The following EDRF1 variants were observed in gnomAD, a reference collection of about 807,000 sequenced individuals.
The protein encoded by EDRF1 is erythroid differentiation-related factor 1.
A neutral mutation model predicts 148.7 loss-of-function variants in EDRF1; 69 were observed. The ratio of observed to expected loss-of-function variants is 0.46; its 90% CI spans 0.38 to 0.57. The LOEUF is 0.57. EDRF1 is among the 20% of genes least tolerant of loss of function. The pLI is 0.00. For missense variants in EDRF1, 1,118 were observed against 1,478.7 expected (o/e 0.76, Z 4.00); for synonymous variants, 515 against 532.8 (o/e 0.97, Z 0.46).
At chr10:125,723,788 A>C (rs372174581) in intron 3 of EDRF1, 23 bp from the exon 4 acceptor site, 33 of 1,605,020 alleles carry the variant, frequency 2.1e-5, no homozygotes, top group Non-Finnish European at 2.7e-5. Context: ...TTTCTAAACT[A>C]TTTTTTCTCT....
chr10:125,724,658 T>C (rs780204808), intron 4 of EDRF1, among the ~76,000 whole-genome samples: 2 of 152,234 alleles, frequency 1.3e-5, no homozygotes, highest in Non-Finnish European at 2.9e-5. Context: ...TGATGCTCTT[T>C]AGCCTAGATT....
chr10:125,730,446 C>T, intron 9 of EDRF1, 47 bp downstream of exon 9: 5 of 1,473,628 alleles, frequency 3.4e-6, no homozygotes, highest in South Asian at 1.1e-5. Context: ...CAAATTGGTA[C>T]AGAGAGTTCC....
intron 4 of EDRF1, 120 bp downstream of exon 4, chr10:125,724,056 A>C: frequency 8.4e-7 from 1 of 1,184,426 alleles, no homozygotes; most frequent in Non-Finnish European, 1.2e-6. Flanking sequence ...CAATCGAGAA[A>C]TTGAAAGTTT....
intron 2 of EDRF1, 54 bp downstream of exon 2, chr10:125,721,466 C>T: frequency 1.3e-6 from 2 of 1,517,888 alleles, no homozygotes; most frequent in Admixed American, 3.5e-5. Context: ...ACTTAAAACT[C>T]TTATTTGCTT....
chr10:125,735,835 A>T lies in EDRF1; in HGVS notation c.1689A>T (p.Ala563=), dbSNP rs1407466883. 6.2e-7 allele frequency: 1 copy of T among 1,612,870 alleles called. No homozygotes were observed. Among genetic ancestry groups the T allele is most frequent in the African/African-American group, 1.3e-5 (1 of 74,892 alleles). Reference sequence around the variant, plus strand: ...CTGATCCATCAGATGATAGCAAAGCAGTAGCTATAATCAAGTCTGTTGGAG... The same window carrying T: ...CTGATCCATCAGATGATAGCAAAGCTGTAGCTATAATCAAGTCTGTTGGAG... ...TSSDPSDDSK[A]VAIIKSVGEL... The change falls in exon 13 of 25, where the codon GCA becomes GCT. Residue 563 remains alanine, a synonymous_variant. Coordinates refer to ENST00000356792, the MANE Select transcript of EDRF1 (RefSeq NM_001202438.2).
intron 19 of EDRF1, among the ~76,000 whole-genome samples, chr10:125,746,476 C>T (rs1469047082): frequency 6.6e-6 from 1 of 152,042 alleles, no homozygotes; most frequent in Non-Finnish European, 1.5e-5. Flanking sequence ...GAAAATAAAC[C>T]ACCCAAAGAG....
At position 125,753,822 on chromosome 10, in the gene EDRF1, A is replaced by G. The variant is rs760624934; in HGVS notation, c.3522A>G (p.Leu1174=). The change falls in exon 24 of 25, where the codon CTA becomes CTG. Residue 1174 remains leucine (L), a synonymous_variant. Transcript: ENST00000356792. ...TTCTCCTTCAGTCCATTAAACTGCT[A>G]TCTTCAACTAAAAAGAAAACAAGGT... ...SFLLLQSIKL[L]SSTKKKTSNN... 8.1e-6 allele frequency: 13 copies of G among 1,613,042 alleles called. No individual in the cohort carries two copies. In the East Asian group the frequency reaches 1.8e-4, roughly 22 times the overall value.
chr10:125,748,533 TG>T (rs1849482347), intron 21 of EDRF1: 1 of 179,166 alleles, frequency 5.6e-6, no homozygotes, highest in Admixed American at 5.4e-5. Context: ...TGGCTTTTGC[TG>T]CGAGTCTTGG....
intron 24 of EDRF1, among the ~76,000 whole-genome samples, chr10:125,759,756 G>A (rs1850100075): frequency 6.6e-6 from 1 of 151,228 alleles, no homozygotes; most frequent in Admixed American, 6.6e-5. Flanking sequence ...TGTCGCCCAC[G>A]CTGGAGTGCA....
intron 6 of EDRF1, among the ~76,000 whole-genome samples, chr10:125,727,818 A>C (rs1177021998): frequency 6.6e-6 from 1 of 152,188 alleles, no homozygotes; most frequent in African/African-American, 2.4e-5. Context: ...AGTATTTCTT[A>C]ATGGCAGTAC....
intron 4 of EDRF1, 112 bp downstream of exon 4, chr10:125,724,048 A>G: frequency 7.9e-7 from 1 of 1,259,178 alleles, no homozygotes; most frequent in Non-Finnish European, 1.1e-6. Context: ...TACTTCAACA[A>G]TCGAGAAATT....
intron 6 of EDRF1, among the ~76,000 whole-genome samples, chr10:125,727,178 T>A (rs111586364): frequency 0.013 from 1,942 of 152,306 alleles, 44 homozygotes; most frequent in African/African-American, 0.044. Context: ...AGAGGCCTGT[T>A]CCTCCAGCAG....
At chr10:125,742,937 T>G in intron 17 of EDRF1, 121 bp from the exon 18 acceptor site, 1 of 1,457,930 alleles carries the variant, frequency 6.9e-7, no homozygotes, top group Non-Finnish European at 9.2e-7. Context: ...GATTGAATCT[T>G]GGTATACTTA....
chr10:125,728,432 C>A (rs1296178789), intron 6 of EDRF1, among the ~76,000 whole-genome samples: 3 of 152,152 alleles, frequency 2.0e-5, no homozygotes, highest in Non-Finnish European at 4.4e-5. Flanking sequence ...TTCCCAGGAA[C>A]TAGTGTTCTG....
chr10:125,726,122 A>T (rs187231206), intron 6 of EDRF1, among the ~76,000 whole-genome samples: 1 of 152,250 alleles, frequency 6.6e-6, no homozygotes, highest in East Asian at 1.9e-4. Context: ...ATCTCCTTCA[A>T]GTGATGAGTA....
intron 22 of EDRF1, among the ~76,000 whole-genome samples, chr10:125,750,937 T>C (rs891655368): frequency 6.6e-6 from 1 of 152,118 alleles, no homozygotes; most frequent in Non-Finnish European, 1.5e-5. Context: ...TTTTTTGTTG[T>C]TGGGGTTTTG....
chr10:125,732,997 C>CAA lies in EDRF1; in HGVS notation c.1129-399_1129-398dup, dbSNP rs572494630. Among the ~76,000 whole-genome samples the CAA allele has an allele frequency of 6.7e-5, 10 of 149,542 alleles. No homozygotes were observed. The East Asian group carries it at 1.8e-3, about 26-fold the overall frequency. The stretch of plus-strand genomic sequence containing the variant: ...TTGAGTCACTGACTGTAGTTTCTAG[C>CAA]AAAAAAAAAGGCCAGAAATACATGT... On this transcript the variant is annotated intron_variant, in intron 9 of 24. Coordinates refer to ENST00000356792, the MANE Select transcript of EDRF1 (RefSeq NM_001202438.2).
At chr10:125,735,492 C>G in intron 12 of EDRF1, 152 bp from the exon 13 acceptor site, 1 of 744,808 alleles carries the variant, frequency 1.3e-6, no homozygotes, top group East Asian at 2.7e-5. Context: ...GTATCAGTAG[C>G]TTTGAACTGG....
intron 7 of EDRF1, 57 bp downstream of exon 7, chr10:125,729,161 C>G: frequency 6.6e-7 from 1 of 1,505,826 alleles, no homozygotes; most frequent in Non-Finnish European, 8.9e-7. Context: ...TTTGTCATTT[C>G]AAAACTAGCC....
Sources: allele counts gnomAD v4.1 joint callset (sites outside exome capture counted in the v4.1 genomes callset), GRCh38; gene constraint gnomAD v4.1.1; transcripts MANE v1.5; gene names NCBI Gene and HGNC (gene_info 2026-07-23, HGNC 2026-07-21).